Variants in PCCB observed in about 807,000 individuals in gnomAD.
PCCB encodes propionyl-CoA carboxylase beta chain, mitochondrial.
In PCCB, 43 loss-of-function variants were observed where a neutral mutation model predicts 60.7. The ratio of observed to expected loss-of-function variants is 0.71; its 90% CI spans 0.55 to 0.91. The LOEUF is 0.91. Among genes scored for constraint, PCCB ranks in the 40% least tolerant of loss-of-function variants. The probability of loss-of-function intolerance (pLI) is 0.00; values close to 1 mark genes in which losing one functional copy is unlikely to be tolerated. For synonymous variants in PCCB, 276 were observed against 255.9 expected, an observed-to-expected ratio of 1.08 and a Z score of -0.75; for missense variants, 766 against 702.8, an observed-to-expected ratio of 1.09 and a Z score of -1.02.
chr3:136,296,536 A>G (rs943304711), intron 7 of PCCB, among the ~76,000 whole-genome samples: 2 of 152,104 alleles, frequency 1.3e-5, no homozygotes, highest in Admixed American at 1.3e-4. Flanking sequence ...GGTCATTTCC[A>G]CTTTTCGGCT....
chr3:136,299,308 A>G (rs1934087965), intron 8 of PCCB, among the ~76,000 whole-genome samples: 1 of 151,978 alleles, frequency 6.6e-6, no homozygotes, highest in Non-Finnish European at 1.5e-5. Context: ...ATATATATGT[A>G]TACATACATG....
intron 9 of PCCB, among the ~76,000 whole-genome samples, chr3:136,303,957 A>G (rs1934372439): frequency 8.3e-6 from 1 of 120,852 alleles, no homozygotes. Flanking sequence ...AATACCATAA[A>G]CTGCATAGCT....
chr3:136,317,040 G>C lies in PCCB; in HGVS notation c.1066G>C (p.Gly356Arg), dbSNP rs779676139. 4 of 1,613,956 alleles carry C rather than the reference G, an allele frequency of 2.5e-6. No homozygotes were observed. The highest frequency in any genetic ancestry group is 3.4e-6 in the Non-Finnish European group (4 of 1,179,986). ...GAATGGGAGGACTGTTGGAATTGTT[G>C]GCAACCAACCTAAGGTGGCCTCAGG... ...RMNGRTVGIVGNQPKVASGCL... is the reference protein window; with the variant it reads ...RMNGRTVGIVRNQPKVASGCL... Residue 356 changes from glycine to arginine, a missense_variant, in exon 10 of 15, where the codon GGC becomes CGC. Coordinates refer to ENST00000251654, the MANE Select transcript of PCCB (RefSeq NM_000532.5).
chr3:136,325,219 G>C (rs1380141967), intron 10 of PCCB, among the ~76,000 whole-genome samples: 1 of 151,858 alleles, frequency 6.6e-6, no homozygotes, highest in Non-Finnish European at 1.5e-5. Flanking sequence ...GAGACAGAGT[G>C]TCACTATGTT....
chr3:136,293,657 C>G, intron 6 of PCCB, 99 bp from the exon 7 acceptor site: 1 of 816,690 alleles, frequency 1.2e-6, no homozygotes. Flanking sequence ...AGCCACGTCA[C>G]TATCTTCTCT....
At chr3:136,278,964 C>T (rs1226184871) in intron 5 of PCCB, among the ~76,000 whole-genome samples, 1 of 152,084 alleles carries the variant, frequency 6.6e-6, no homozygotes, top group East Asian at 1.9e-4. Context: ...TTTTAGGGCT[C>T]TTGTTGCTTC....
intron 6 of PCCB, among the ~76,000 whole-genome samples, chr3:136,287,527 G>A (rs75092676): frequency 0.017 from 2,634 of 151,886 alleles, 81 homozygotes; most frequent in African/African-American, 0.06. Flanking sequence ...TTGCCTCCTC[G>A]GTTTAAGTGA....
At chr3:136,324,706 T>A (rs1239947008) in intron 10 of PCCB, among the ~76,000 whole-genome samples, 1 of 152,180 alleles carries the variant, frequency 6.6e-6, no homozygotes, top group Non-Finnish European at 1.5e-5. Flanking sequence ...CTGCTACATT[T>A]CCAGCCTGGA....
chr3:136,299,606 ATATGCATGTGTATGTATAGG>A (rs1281798081), intron 8 of PCCB, among the ~76,000 whole-genome samples: 1 of 95,718 alleles, frequency 1.0e-5, no homozygotes, highest in Non-Finnish European at 2.1e-5. Context: ...GTATGTATGT[ATATGCATGTGTATGTATAGG>A]TATGCATGTG....
At position 136,298,630 on chromosome 3, in the gene PCCB, G is replaced by A. The variant is rs548196039; in HGVS notation, c.884+558G>A. ...AGCCAGAGGCTGGGACAGTCCTGGG[G>A]AAGGGTGTGTTGCTGGCCATCTGGT... On this transcript the variant is annotated intron_variant, in intron 8 of 14. Coordinates refer to ENST00000251654, the MANE Select transcript of PCCB (RefSeq NM_000532.5). Among the ~76,000 whole-genome samples, 5 of 152,312 alleles carry A rather than the reference G, an allele frequency of 3.3e-5. No homozygotes were observed. The East Asian group carries it at 7.7e-4, about 24-fold the overall frequency.
chr3:136,289,399 A>G (rs958670306), intron 6 of PCCB, among the ~76,000 whole-genome samples: 15 of 152,212 alleles, frequency 9.9e-5, no homozygotes, highest in African/African-American at 3.4e-4. Context: ...TCCTCTGTAT[A>G]ATAACTTTCC....
chr3:136,276,216 T>A (rs1375222916), intron 5 of PCCB, among the ~76,000 whole-genome samples: 1 of 152,232 alleles, frequency 6.6e-6, no homozygotes, highest in African/African-American at 2.4e-5. Flanking sequence ...TTTTATTTAC[T>A]AAGTTGATGG....
chr3:136,293,587 A>C (rs748166119), intron 6 of PCCB, among the ~76,000 whole-genome samples, 169 bp from the exon 7 acceptor site: 8 of 152,256 alleles, frequency 5.3e-5, no homozygotes, highest in Non-Finnish European at 8.8e-5. Flanking sequence ...ACAATAAGGC[A>C]GGGAAAACTT....
intron 5 of PCCB, among the ~76,000 whole-genome samples, chr3:136,277,096 A>T (rs1362254707): frequency 6.6e-6 from 1 of 152,138 alleles, no homozygotes; most frequent in African/African-American, 2.4e-5. Flanking sequence ...ATATACCAAC[A>T]CTAGTGCTGA....
intron 9 of PCCB, among the ~76,000 whole-genome samples, chr3:136,310,824 T>C (rs995292193): frequency 1.7e-4 from 26 of 152,128 alleles, no homozygotes; most frequent in African/African-American, 6.0e-4. Context: ...TTAACACATA[T>C]AGGGGAGAAA....
At chr3:136,268,888 A>C (rs1050913030) in intron 5 of PCCB, among the ~76,000 whole-genome samples, 1 of 152,180 alleles carries the variant, frequency 6.6e-6, no homozygotes, top group African/African-American at 2.4e-5. Flanking sequence ...CGTAGATGGA[A>C]TGTTTCTCTG....
chr3:136,257,890 G>C (rs187394118), intron 3 of PCCB, among the ~76,000 whole-genome samples: 162 of 152,238 alleles, frequency 1.1e-3, no homozygotes, highest in Non-Finnish European at 1.8e-3. Flanking sequence ...CCGAGTTTGC[G>C]CCACTGCACT....
intron 7 of PCCB, among the ~76,000 whole-genome samples, chr3:136,294,264 A>G (rs1933836101): frequency 6.6e-6 from 1 of 152,158 alleles, no homozygotes; most frequent in Admixed American, 6.6e-5. Flanking sequence ...ATCATTGGCC[A>G]GGTGCATGAT....
intron 10 of PCCB, among the ~76,000 whole-genome samples, chr3:136,325,163 T>C (rs1303806543): frequency 6.6e-6 from 1 of 152,116 alleles, no homozygotes; most frequent in Admixed American, 6.5e-5. Context: ...ATGATGGGAT[T>C]ACAGGTGTGA....
Sources: gnomAD v4.1 joint callset for allele counts (sites outside exome capture counted in the v4.1 genomes callset) on GRCh38, gnomAD v4.1.1 for gene constraint, MANE v1.5 for transcripts, NCBI Gene and HGNC (gene_info 2026-07-23, HGNC 2026-07-21) for gene names.